MGRN1: variants seen among roughly 807,000 people sequenced by gnomAD.
MGRN1 encodes the protein E3 ubiquitin-protein ligase MGRN1.
Under a neutral mutation model 69.2 loss-of-function variants are expected in MGRN1, and 29 were observed. The ratio of observed to expected loss-of-function variants is 0.42; its 90% CI spans 0.31 to 0.57. The LOEUF (loss-of-function observed/expected upper bound fraction) is 0.57. MGRN1 is among the 20% of genes least tolerant of loss of function. The pLI is 0.15. For missense variants in MGRN1, 998 were observed against 796.2 expected (o/e 1.25, Z -3.05); for synonymous variants, 470 against 344.2 (o/e 1.37, Z -4.04).
In MGRN1 at chr16:4,682,957, C is replaced by A; in HGVS notation, c.1482+11C>A. 6.5e-7 allele frequency: 1 copy of A among 1,546,994 alleles called. No homozygotes were observed. Among genetic ancestry groups the A allele is most frequent in the Non-Finnish European group, 8.7e-7 (1 of 1,143,244 alleles). Reference sequence around the variant, plus strand: ...AGCAGCTCCCCTGAGGTGAGGCCCCCCCGGGGAAGCTTTGCGCACCCGCCC... The same window carrying A: ...AGCAGCTCCCCTGAGGTGAGGCCCCACCGGGGAAGCTTTGCGCACCCGCCC... On this transcript the variant is annotated intron_variant, in intron 14 of 16. Transcript: ENST00000262370.
intron 2 of MGRN1, chr16:4,651,158 G>C (rs1234495638): frequency 6.6e-6 from 1 of 152,110 alleles, no homozygotes; most frequent in Non-Finnish European, 1.5e-5. Context: ...GTGGGCAAGA[G>C]ACATGGTCCA....
intron 16 of MGRN1, chr16:4,688,374 C>G: frequency 2.0e-6 from 2 of 1,000,950 alleles, no homozygotes; most frequent in African/African-American, 1.7e-5. Flanking sequence ...TGTTCTCACC[C>G]AGGGCCGCTC....
chr16:4,654,654 T>C (rs2141890310), intron 4 of MGRN1, among the ~76,000 whole-genome samples: 1 of 152,358 alleles, frequency 6.6e-6, no homozygotes, highest in East Asian at 1.9e-4. Context: ...TGACTGCTTG[T>C]GCCTCTGTGT....
At chr16:4,657,590 C>T (rs974788314) in intron 5 of MGRN1, among the ~76,000 whole-genome samples, 4 of 152,184 alleles carry the variant, frequency 2.6e-5, no homozygotes, top group African/African-American at 9.6e-5. Flanking sequence ...GGCAGCCGCA[C>T]TCGGAGGCTC....
chr16:4,635,522 TGTAGTGGC>T (rs1898237247), intron 1 of MGRN1, among the ~76,000 whole-genome samples: 2 of 151,774 alleles, frequency 1.3e-5, no homozygotes, highest in Admixed American at 6.6e-5. Flanking sequence ...CAGGCTGGAG[TGTAGTGGC>T]ATGATCTTAG....
intron 9 of MGRN1, among the ~76,000 whole-genome samples, 181 bp from the exon 10 acceptor site, chr16:4,673,317 T>G (rs575177863): frequency 6.6e-6 from 1 of 152,204 alleles, no homozygotes; most frequent in East Asian, 1.9e-4. Flanking sequence ...GTGCTGAGTT[T>G]GCACTGGATT....
At chr16:4,668,124 CTTT>C (rs375154638) in intron 7 of MGRN1, 138 bp from the exon 8 acceptor site, 63 of 521,326 alleles carry the variant, frequency 1.2e-4, no homozygotes, top group African/African-American at 5.7e-4. Flanking sequence ...TGGCCCCACC[CTTT>C]TTTTTTTTTT....
intron 1 of MGRN1, among the ~76,000 whole-genome samples, chr16:4,643,651 C>T (rs549883407): frequency 2.0e-5 from 3 of 152,236 alleles, no homozygotes; most frequent in South Asian, 2.1e-4. Context: ...GGATTACACG[C>T]GTGAGTCACC....
chr16:4,669,079 C>T lies in MGRN1; in HGVS notation c.726+767C>T, dbSNP rs550502054. 6 of 152,492 alleles carry T rather than the reference C, an allele frequency of 3.9e-5. No individual in the cohort carries two copies. In the East Asian group the frequency reaches 5.8e-4, roughly 15 times the overall value. The allele number at this position is 152,492 out of a possible 1,614,324, so 9.4% of individuals were successfully genotyped here. A position where few individuals can be genotyped will look rare whatever the true frequency, so the allele number is the denominator to read the frequency against. Reference sequence around the variant, plus strand: ...ACACTTATATATAGACACACACACACACTCTTCAGTAGTCTTCATGCACTG... The same window carrying T: ...ACACTTATATATAGACACACACACATACTCTTCAGTAGTCTTCATGCACTG... On this transcript the variant is annotated intron_variant, in intron 8 of 16. Coordinates refer to ENST00000262370, the MANE Select transcript of MGRN1 (RefSeq NM_015246.4).
chr16:4,680,397 A>G lies in MGRN1; in HGVS notation c.1131+300A>G, dbSNP rs1027000345. The G allele has an allele frequency of 1.2e-4, 47 of 380,140 alleles. No individual in the cohort carries two copies. The Admixed American group carries it at 1.3e-3, about 11-fold the overall frequency. The allele number at this position is 380,140 out of a possible 1,614,324, so 23.5% of individuals were successfully genotyped here. ...TTGCTGGCAGTGGAATGGACGTTGC[A>G]GGCGGAACTAACGTCGCTGCTGCGT... is the stretch of plus-strand genomic sequence containing the variant. On this transcript the variant is annotated intron_variant, in intron 12 of 16. Transcript: ENST00000262370.
chr16:4,688,804 A>G lies in MGRN1; in HGVS notation c.1627A>G (p.Thr543Ala), dbSNP rs369718932. ...PADIYLPGRP[T>A]SMETAHGLAT... ...TCTGCTCCCACCTGCAGGACGGCCC[A>G]CCTCCATGGAGACGGCCCACGGCCT... Residue 543 changes from threonine (T) to alanine (A), a missense_variant, in exon 17 of 17, where the codon ACC becomes GCC. Transcript: ENST00000262370. The G allele has an allele frequency of 3.9e-4, 600 of 1,547,668 alleles. No homozygotes were observed. The highest frequency in any genetic ancestry group is 5.0e-4 in the Non-Finnish European group (570 of 1,144,486).
chr16:4,689,139 T>G lies in MGRN1; in HGVS notation c.*231T>G. 1.8e-6 allele frequency: 1 copy of G among 564,590 alleles called. No homozygotes were observed. Among genetic ancestry groups the G allele is most frequent in the Admixed American group, 3.7e-5 (1 of 27,292 alleles). The allele number at this position is 564,590 out of a possible 1,614,324, so 35.0% of individuals were successfully genotyped here. ...GGTACAAGATGAAGGACAGCAGCTT[T>G]CCATCCCTAGTTCAGAGCCCCCGTT... is the stretch of plus-strand genomic sequence containing the variant. On this transcript the variant is annotated 3_prime_UTR_variant, in exon 17 of 17. Coordinates refer to ENST00000262370, the MANE Select transcript of MGRN1 (RefSeq NM_015246.4).
chr16:4,641,140 C>T (rs2078147366), intron 1 of MGRN1, among the ~76,000 whole-genome samples: 2 of 152,324 alleles, frequency 1.3e-5, no homozygotes, highest in Middle Eastern at 3.4e-3. Flanking sequence ...TCCTCTTGGT[C>T]CTGAGCTGGT....
chr16:4,670,146 CCT>C (rs2078905820), intron 8 of MGRN1, among the ~76,000 whole-genome samples: 1 of 152,036 alleles, frequency 6.6e-6, no homozygotes, highest in Non-Finnish European at 1.5e-5. Context: ...CTCACTTCAA[CCT>C]CTGTCTCCCA....
intron 4 of MGRN1, among the ~76,000 whole-genome samples, chr16:4,655,622 C>T (rs7198162): frequency 0.039 from 5,755 of 146,728 alleles, 364 homozygotes; most frequent in African/African-American, 0.14. Flanking sequence ...TCCCAGCAGG[C>T]ATCACAGAGC....
chr16:4,650,513 C>G, intron 2 of MGRN1, 30 bp downstream of exon 2: 1 of 1,545,442 alleles, frequency 6.5e-7, no homozygotes, highest in Non-Finnish European at 8.8e-7. Flanking sequence ...TCTCATGGGG[C>G]TGTGGGGGTG....
intron 1 of MGRN1, chr16:4,634,576 G>C (rs775922189): frequency 6.6e-6 from 1 of 152,428 alleles, no homozygotes; most frequent in Admixed American, 6.6e-5. Context: ...AGAATTACCC[G>C]GAGCTCAGCC....
intron 5 of MGRN1, among the ~76,000 whole-genome samples, chr16:4,662,651 G>A (rs2078709068): frequency 6.6e-6 from 1 of 152,206 alleles, no homozygotes; most frequent in Admixed American, 6.5e-5. Flanking sequence ...GCGTGGTATT[G>A]ACCCCATTTT....
In MGRN1 at chr16:4,680,138, C is replaced by A. The variant is rs752743183; in HGVS notation, c.1131+41C>A. ...TCCGGCTACGTTTTTTTGCCCCCGC[C>A]CTCATTTTTAAACCCACGACAAGTA... On this transcript the variant is annotated intron_variant, in intron 12 of 16. Coordinates refer to ENST00000262370, the MANE Select transcript of MGRN1 (RefSeq NM_015246.4). The A allele has an allele frequency of 3.8e-6, 6 of 1,596,964 alleles. No homozygotes were observed. In the African/African-American group the frequency reaches 6.7e-5, roughly 18 times the overall value.
Sources: allele counts gnomAD v4.1 joint callset (sites outside exome capture counted in the v4.1 genomes callset), GRCh38; gene constraint gnomAD v4.1.1; transcripts MANE v1.5; gene names NCBI Gene and HGNC (gene_info 2026-07-23, HGNC 2026-07-21).